The following SIL1 variants were observed in gnomAD, a reference collection of about 807,000 sequenced individuals.
SIL1 encodes the protein nucleotide exchange factor SIL1.
A neutral mutation model predicts 49.1 loss-of-function variants in SIL1; 40 were observed. The ratio of observed to expected loss-of-function variants is 0.81; its 90% CI spans 0.63 to 1.06. SIL1 has a LOEUF of 1.06. Ranked by LOEUF, SIL1 falls within the 50% of genes least tolerant of loss-of-function variation. The pLI, the probability that SIL1 is intolerant of heterozygous loss-of-function variation, is 0.00. For synonymous variants in SIL1, 253 were observed against 250.8 expected (o/e 1.01, Z -0.08); for missense variants, 500 against 572.6 (o/e 0.87, Z 1.29).
intron 3 of SIL1, among the ~76,000 whole-genome samples, chr5:139,068,968 G>T (rs1297034303): frequency 6.6e-6 from 1 of 152,122 alleles, no homozygotes; most frequent in African/African-American, 2.4e-5. Flanking sequence ...AATCAGAAAT[G>T]AGGTGCTAGA....
At chr5:139,031,594 T>A (rs1768793870) in intron 5 of SIL1, among the ~76,000 whole-genome samples, 1 of 152,214 alleles carries the variant, frequency 6.6e-6, no homozygotes, top group South Asian at 2.1e-4. Context: ...CTATTCTAGT[T>A]CCTTCAACTT....
intron 1 of SIL1, among the ~76,000 whole-genome samples, chr5:139,159,281 C>T (rs990428184): frequency 6.6e-6 from 1 of 152,168 alleles, no homozygotes; most frequent in Non-Finnish European, 1.5e-5. Context: ...AGGTAAAGAA[C>T]TGGGGCAGCA....
chr5:138,949,351 T>TG (rs763589006), intron 9 of SIL1, among the ~76,000 whole-genome samples: 32 of 152,286 alleles, frequency 2.1e-4, no homozygotes, highest in Non-Finnish European at 4.1e-4. Flanking sequence ...AGCACCCTGA[T>TG]GGGGGTGTCA....
intron 4 of SIL1, among the ~76,000 whole-genome samples, chr5:139,049,369 G>A (rs1036132119): frequency 6.6e-6 from 1 of 152,168 alleles, no homozygotes; most frequent in African/African-American, 2.4e-5. Context: ...TAGAGACAGG[G>A]TTTCATCATG....
At chr5:139,146,480 C>T (rs1052871352) in intron 1 of SIL1, among the ~76,000 whole-genome samples, 1 of 152,098 alleles carries the variant, frequency 6.6e-6, no homozygotes, top group Admixed American at 6.5e-5. Context: ...ATCATTTGAG[C>T]CCTGGAGGTG....
At chr5:138,982,518 C>T (rs1024978860) in intron 7 of SIL1, among the ~76,000 whole-genome samples, 5 of 152,228 alleles carry the variant, frequency 3.3e-5, no homozygotes, top group African/African-American at 7.2e-5. Flanking sequence ...AGTGATACAA[C>T]ATTTTTCTTC....
chr5:139,143,344 C>CACACACACATAT (rs1451727500), intron 1 of SIL1, among the ~76,000 whole-genome samples: 1 of 97,532 alleles, frequency 1.0e-5, no homozygotes, highest in African/African-American at 5.5e-5. Context: ...CACACACACA[C>CACACACACATAT]ATATATATAT....
intron 7 of SIL1, among the ~76,000 whole-genome samples, chr5:138,990,013 G>A (rs1198493599): frequency 6.6e-6 from 1 of 152,160 alleles, no homozygotes; most frequent in Non-Finnish European, 1.5e-5. Context: ...GGAAAGGCAT[G>A]CGTGCGACAG....
rs113590384 is a variant in SIL1 at position 138,991,221 on chromosome 5, T to C, written c.767+29950A>G. Among the ~76,000 whole-genome samples, 550 of 152,302 alleles carry C rather than the reference T, an allele frequency of 3.6e-3. 1 individual carries two copies. The highest frequency in any genetic ancestry group is 0.027 in the Middle Eastern group (8 of 294). ...TGGGGCACCAGGGCCAGCTATAATC[T>C]TTTCCCAGCAGCCTGGCTGAAGTAG... On this transcript the variant is annotated intron_variant, in intron 7 of 9. Coordinates refer to ENST00000394817, the MANE Select transcript of SIL1 (RefSeq NM_022464.5).
At chr5:139,002,284 A>G (rs555576319) in intron 7 of SIL1, among the ~76,000 whole-genome samples, 44 of 152,206 alleles carry the variant, frequency 2.9e-4, no homozygotes, top group Non-Finnish European at 5.7e-4. Flanking sequence ...ACAAAGGGAA[A>G]TACAAAGGAT....
intron 1 of SIL1, among the ~76,000 whole-genome samples, chr5:139,190,918 T>C (rs1392121717): frequency 1.3e-5 from 2 of 152,076 alleles, no homozygotes; most frequent in Admixed American, 6.6e-5. Context: ...GAGTATGAGA[T>C]GGGGTGTGGG....
At chr5:139,027,671 G>A (rs1768690621) in intron 5 of SIL1, among the ~76,000 whole-genome samples, 1 of 152,164 alleles carries the variant, frequency 6.6e-6, no homozygotes, top group Non-Finnish European at 1.5e-5. Flanking sequence ...AGTTACATTA[G>A]AGGTGAATAA....
rs137930207 is a variant in SIL1 at position 138,992,609 on chromosome 5, A to C, written c.767+28562T>G. Among the ~76,000 whole-genome samples the C allele has an allele frequency of 7.0e-3, 1,061 of 151,970 alleles. 13 individuals carry two copies. Among genetic ancestry groups the C allele is most frequent in the African/African-American group, 0.02 (816 of 41,442 alleles). On this transcript the variant is annotated intron_variant, in intron 7 of 9. Coordinates refer to ENST00000394817, the MANE Select transcript of SIL1 (RefSeq NM_022464.5). ...CACATAAGAAATAGAGTAATTGGTA[A>C]TTTTTCAGGTTATCTTTTCAAACAT...
At chr5:138,953,649 G>T (rs1766835647) in intron 7 of SIL1, among the ~76,000 whole-genome samples, 1 of 151,930 alleles carries the variant, frequency 6.6e-6, no homozygotes, top group East Asian at 1.9e-4. Flanking sequence ...GCAGGCAGGC[G>T]CTGGCGCAGG....
intron 5 of SIL1, chr5:139,035,368 T>C: frequency 1.9e-6 from 1 of 535,982 alleles, no homozygotes; most frequent in African/African-American, 1.9e-5. Flanking sequence ...TTCCATTTCT[T>C]TCTGTCCCTT....
chr5:139,139,470 T>C lies in SIL1; in HGVS notation c.-10-11617A>G, dbSNP rs542759905. Among the ~76,000 whole-genome samples, 6 of 152,342 alleles carry C rather than the reference T, an allele frequency of 3.9e-5. No homozygotes were observed. In the South Asian group the frequency reaches 1.0e-3, roughly 26 times the overall value. On this transcript the variant is annotated intron_variant, in intron 1 of 9. Coordinates refer to ENST00000394817, the MANE Select transcript of SIL1 (RefSeq NM_022464.5). The stretch of plus-strand genomic sequence containing the variant: ...CTATCTGCTAACTGGTAAGTACAAT[T>C]TGTTTGCCATTTCTATTGCAAGCAT...
In SIL1 at chr5:138,949,810, AAAAAAAGAAAAAAGAAAAGAAAAG is replaced by A. The variant is rs1252284505; in HGVS notation, c.1029+1337_1029+1360del. Among the ~76,000 whole-genome samples, 9 of 141,250 alleles carry A rather than the reference AAAAAAAGAAAAAAGAAAAGAAAAG, an allele frequency of 6.4e-5. No individual in the cohort carries two copies. In the East Asian group the frequency reaches 1.4e-3, roughly 22 times the overall value. The allele number at this position is 141,250 out of a possible 152,430, so 92.7% of individuals were successfully genotyped here. On this transcript the variant is annotated intron_variant, in intron 9 of 9. Transcript: ENST00000394817. ...AGAGACCCTGTCTCAAAAAAAAAAAAAAAAAAGAAAAAAGAAAAGAAAAGAAAAAAGAAAAAAGAAATCACAAGA... is the reference window on the plus strand; with the variant it reads ...AGAGACCCTGTCTCAAAAAAAAAAAAAAAAAAGAAAAAAGAAATCACAAGA...
chr5:139,082,696 TTGA>T (rs1770111535), intron 3 of SIL1, among the ~76,000 whole-genome samples: 1 of 152,224 alleles, frequency 6.6e-6, no homozygotes, highest in Admixed American at 6.5e-5. Context: ...ACTTGGTGTC[TTGA>T]TGAACTGCTG....
intron 1 of SIL1, among the ~76,000 whole-genome samples, chr5:139,178,750 A>G (rs930730573): frequency 1.3e-5 from 2 of 151,968 alleles, no homozygotes; most frequent in Non-Finnish European, 2.9e-5. Flanking sequence ...CTTTCAATAC[A>G]CTTATTCCAA....
Sources: gnomAD v4.1 joint callset for allele counts (sites outside exome capture counted in the v4.1 genomes callset) on GRCh38, gnomAD v4.1.1 for gene constraint, MANE v1.5 for transcripts, NCBI Gene and HGNC (gene_info 2026-07-23, HGNC 2026-07-21) for gene names.